SRCIN1: variants seen among roughly 807,000 people sequenced by gnomAD.
SRCIN1 encodes the protein P130Cas-associated protein.
SRCIN1 carries 50 observed loss-of-function variants against 116.2 expected under a neutral mutation model. The ratio of observed to expected loss-of-function variants is 0.43; its 90% confidence interval spans 0.34 to 0.54. The LOEUF (loss-of-function observed/expected upper bound fraction) is 0.54. Ranked by LOEUF, SRCIN1 falls within the 20% of genes least tolerant of loss-of-function variation. The probability of loss-of-function intolerance (pLI) is 0.02; values close to 1 mark genes in which losing one functional copy is unlikely to be tolerated. For missense variants in SRCIN1, 1,446 were observed against 1,672.0 expected, an observed-to-expected ratio of 0.86 and a Z score of 2.36; for synonymous variants, 736 against 750.0, an observed-to-expected ratio of 0.98 and a Z score of 0.30.
chr17:38,559,256 G>A (rs2143161369), intron 10 of SRCIN1: 1 of 464,852 alleles, frequency 2.2e-6, no homozygotes, highest in Non-Finnish European at 3.8e-6. Flanking sequence ...GAACTGCCCC[G>A]AGGGATACTG....
chr17:38,578,509 T>G lies in SRCIN1; in HGVS notation c.305A>C (p.Gln102Pro). ...ACTCACCTGCTCTCGCATCCTGTCC[T>G]GCTGGCCTCGCAGGGCCAGGGCGTG... ...PQHALALRGQ[Q>P]DRMREQPNYW... The change falls in exon 2 of 19, where the codon CAG becomes CCG. Residue 102 changes from glutamine (Q) to proline (P), a missense_variant. Coordinates refer to ENST00000617146, the MANE Select transcript of SRCIN1 (RefSeq NM_025248.3). 1 of 1,592,394 alleles carries G rather than the reference T, an allele frequency of 6.3e-7. No individual in the cohort carries two copies. Among genetic ancestry groups the G allele is most frequent in the South Asian group, 1.1e-5 (1 of 90,500 alleles).
rs759907718 is a variant in SRCIN1 at position 38,578,640 on chromosome 17, C to T, written c.174G>A (p.Thr58=). ...GLVHTSERRH[T]VIAAQSLEAL... is the part of the protein sequence containing the mutation. ...CCTCCAGACTCTGGGCCGCGATCAC[C>T]GTGTGCCGCCGCTCGGACGTGTGCA... Residue 58 remains threonine (T), a synonymous_variant, in exon 2 of 19, where the codon ACG becomes ACA. Transcript: ENST00000617146. 1.3e-6 allele frequency: 2 copies of T among 1,597,602 alleles called. No homozygotes were observed. The highest frequency in any genetic ancestry group is 1.7e-5 in the Admixed American group (1 of 58,074).
chr17:38,552,042 GC>G lies in SRCIN1; in HGVS notation c.2570del (p.Ser857ThrfsTer13). On this transcript the variant is annotated frameshift_variant, in exon 14 of 19. Coordinates refer to ENST00000617146, the MANE Select transcript of SRCIN1 (RefSeq NM_025248.3). LOFTEE classifies it high-confidence loss of function. The surrounding 1 kb of genome is among the most constrained non-coding windows in gnomAD (Gnocchi z 5.3). Reference sequence around the variant, plus strand: ...TGGGGGGTGGCATTTCGAAGTCCACGCTCTTGTTGAAGTCAGTCTCTGCCGT... The same window carrying G: ...TGGGGGGTGGCATTTCGAAGTCCACGTCTTGTTGAAGTCAGTCTCTGCCGT... Reference protein sequence around the residue: ...KVTAETDFNKSVDFEMPPPSP... With the variant: ...KVTAETDFNKXVDFEMPPPSP... The G allele has an allele frequency of 6.2e-7, 1 of 1,613,806 alleles. No individual in the cohort carries two copies. Among genetic ancestry groups the G allele is most frequent in the Non-Finnish European group, 8.5e-7 (1 of 1,179,890 alleles).
At chr17:38,590,398 G>A (rs1204032751) in intron 1 of SRCIN1, among the ~76,000 whole-genome samples, 3 of 152,192 alleles carry the variant, frequency 2.0e-5, no homozygotes, top group Non-Finnish European at 4.4e-5. Flanking sequence ...ACCACACCTG[G>A]CTAATTTTTG....
chr17:38,577,366 C>T (rs1567875383), intron 2 of SRCIN1, among the ~76,000 whole-genome samples: 2 of 152,182 alleles, frequency 1.3e-5, no homozygotes, highest in East Asian at 1.9e-4. Context: ...GCATCCTGCT[C>T]CCAGAAGGAC....
At chr17:38,588,782 C>A (rs1020672290) in intron 1 of SRCIN1, among the ~76,000 whole-genome samples, 8 of 152,180 alleles carry the variant, frequency 5.3e-5, no homozygotes. Flanking sequence ...TGCCTCCCCA[C>A]AGGGAAGCAT....
rs765964371 is a variant in SRCIN1 at position 38,560,077 on chromosome 17, T to C, written c.1814A>G (p.Asn605Ser). 12 of 1,556,016 alleles carry C rather than the reference T, an allele frequency of 7.7e-6. No individual in the cohort carries two copies. Among genetic ancestry groups the C allele is most frequent in the East Asian group, 2.4e-5 (1 of 41,504 alleles). Residue 605 changes from asparagine (N) to serine (S), a missense_variant, in exon 9 of 19, where the codon AAT becomes AGT. By Grantham distance (46) the Asn-to-Ser change is conservative (BLOSUM62 1). Around this residue, in one of 5 missense-constraint regions of SRCIN1, gnomAD observed 398 missense variants for 385.6 expected, o/e 1.03. Coordinates refer to ENST00000617146, the MANE Select transcript of SRCIN1 (RefSeq NM_025248.3). ...ACGTGCTGAGGGGGTGGCTGCTCCA[T>C]TGGAGCCTTCAATCTTCTCGCTGTG... ...ETPSEKIEGS[N>S]GAATPSAPCG...
In SRCIN1 at chr17:38,543,807, C is replaced by G. The variant is rs965434699; in HGVS notation, c.3417+16G>C. ...GCAGAGTGGGCCTGGGTGGCCCCCA[C>G]AGTCCCCGCCCTCACCTGCTGCTGG... On this transcript the variant is annotated intron_variant, in intron 18 of 18. Coordinates refer to ENST00000617146, the MANE Select transcript of SRCIN1 (RefSeq NM_025248.3). 4.4e-6 allele frequency: 7 copies of G among 1,601,602 alleles called. No individual in the cohort carries two copies. The highest frequency in any genetic ancestry group is 5.9e-6 in the Non-Finnish European group (7 of 1,178,570).
chr17:38,539,023 T>C (rs373452756), intron 18 of SRCIN1, among the ~76,000 whole-genome samples: 44 of 152,264 alleles, frequency 2.9e-4, no homozygotes, highest in African/African-American at 9.1e-4. Context: ...ATTATAGCGA[T>C]TGTCATTTTA....
At chr17:38,597,581 C>G (rs1284190847) in intron 1 of SRCIN1, among the ~76,000 whole-genome samples, 1 of 152,196 alleles carries the variant, frequency 6.6e-6, no homozygotes, top group Non-Finnish European at 1.5e-5. Context: ...TCTACAGAGA[C>G]AGAAACTGAG....
chr17:38,565,682 T>C (rs747371495), intron 3 of SRCIN1, among the ~76,000 whole-genome samples: 1 of 152,260 alleles, frequency 6.6e-6, no homozygotes, highest in Non-Finnish European at 1.5e-5. Context: ...AATGTTCCAA[T>C]TGGATTAGCA....
In SRCIN1 at chr17:38,583,742, G is replaced by A. The variant is rs530993570; in HGVS notation, c.23-4951C>T. On this transcript the variant is annotated intron_variant, in intron 1 of 18. Transcript: ENST00000617146. Reference sequence around the variant, plus strand: ...TAATTTTTGTATTTTTAGTAGAGACGGAGTTTCACCATGTTGGCCAGGCTG... The same window carrying A: ...TAATTTTTGTATTTTTAGTAGAGACAGAGTTTCACCATGTTGGCCAGGCTG... 5.0e-3 allele frequency among the ~76,000 whole-genome samples: 764 copies of A among 151,930 alleles called. 4 individuals are homozygous for A. Among genetic ancestry groups the A allele is most frequent in the Admixed American group, 9.1e-3 (139 of 15,264 alleles).
intron 2 of SRCIN1, chr17:38,574,778 T>G (rs1158685913): frequency 1.0e-5 from 4 of 396,946 alleles, no homozygotes; most frequent in African/African-American, 8.4e-5. Flanking sequence ...GGTTGCAAAA[T>G]AAAAGTCCTG....
chr17:38,552,949 G>C lies in SRCIN1; in HGVS notation c.2202-94C>G. 2 of 1,528,620 alleles carry C rather than the reference G, an allele frequency of 1.3e-6. No individual in the cohort carries two copies. Among genetic ancestry groups the C allele is most frequent in the Non-Finnish European group, 1.8e-6 (2 of 1,138,266 alleles). The allele number at this position is 1,528,620 out of a possible 1,614,324, so 94.7% of individuals were successfully genotyped here. A position where few individuals can be genotyped will look rare whatever the true frequency, so the allele number is the denominator to read the frequency against. ...CAACTGGAAAGAAATCAGGCCACCA[G>C]TTGGATCGAAAGTAAAAGCAGGAGG... On this transcript the variant is annotated intron_variant, in intron 11 of 18. Transcript: ENST00000617146. This position sits in a 1 kb window ranked among gnomAD's most constrained non-coding sequence, Gnocchi z 5.3.
Position 38,545,647 on chromosome 17 carries a change from C to T in SRCIN1, c.3271-1678G>A, listed in dbSNP as rs530331411. 3.3e-5 allele frequency among the ~76,000 whole-genome samples: 5 copies of T among 152,176 alleles called. 1 individual carries two copies. Among genetic ancestry groups the T allele is most frequent in the South Asian group, 4.1e-4 (2 of 4,830 alleles). On this transcript the variant is annotated intron_variant, in intron 17 of 18. Coordinates refer to ENST00000617146, the MANE Select transcript of SRCIN1 (RefSeq NM_025248.3). ...TTGGGACCAGAATTCAGGTCTTTCC[C>T]ACCATACCCTGTGGCCTCCTACTTG...
In SRCIN1 at chr17:38,560,325, G is replaced by A; in HGVS notation, c.1793+8C>T. ...GCCCTGGCAGTGGTGTTGGGAGAGG[G>A]GCCTCACCTGGGGGTCTCAGGCTCA... On this transcript the variant is annotated splice_region_variant and intron_variant, in intron 8 of 18. Transcript: ENST00000617146. 4 of 1,604,302 alleles carry A rather than the reference G, an allele frequency of 2.5e-6. No homozygotes were observed. Among genetic ancestry groups the A allele is most frequent in the Non-Finnish European group, 3.4e-6 (4 of 1,175,378 alleles).
In SRCIN1 at chr17:38,535,243, T is replaced by C. The variant is rs1597874987; in HGVS notation, c.3418-1812A>G. Among the ~76,000 whole-genome samples, 4 of 150,050 alleles carry C rather than the reference T, an allele frequency of 2.7e-5. No individual in the cohort carries two copies. The South Asian group carries it at 8.5e-4, about 32-fold the overall frequency. On this transcript the variant is annotated intron_variant, in intron 18 of 18. Transcript: ENST00000617146. Reference sequence around the variant, plus strand: ...TTTTTTTTGAGATGGACTTTTGCTCTTGTTGTCCAGGCTGGAGTACAATGG... The same window carrying C: ...TTTTTTTTGAGATGGACTTTTGCTCCTGTTGTCCAGGCTGGAGTACAATGG...
Position 38,552,361 on chromosome 17 carries a change from G to T in SRCIN1, c.2480+86C>A. The T allele has an allele frequency of 6.7e-7, 1 of 1,496,728 alleles. No homozygotes were observed. The highest frequency in any genetic ancestry group is 2.4e-5 in the East Asian group (1 of 41,022). 92.7% of individuals were successfully genotyped at this position (1,496,728 alleles called of 1,614,324 possible). ...GTCGGCACGCCAGTGACCTTTGGGG[G>T]AGTTGGGGTAAGGGTTCAGTATGAC... On this transcript the variant is annotated intron_variant, in intron 13 of 18. Coordinates refer to ENST00000617146, the MANE Select transcript of SRCIN1 (RefSeq NM_025248.3). This position sits in a 1 kb window ranked among gnomAD's most constrained non-coding sequence, Gnocchi z 5.3.
At chr17:38,587,794 T>A (rs1908200032) in intron 1 of SRCIN1, among the ~76,000 whole-genome samples, 1 of 152,052 alleles carries the variant, frequency 6.6e-6, no homozygotes, top group African/African-American at 2.4e-5. Context: ...CCCAGGGGGA[T>A]GCTCACCACA....
Sources: allele counts gnomAD v4.1 joint callset (sites outside exome capture counted in the v4.1 genomes callset), GRCh38; gene constraint gnomAD v4.1.1; regional missense constraint gnomAD v4.1.1; non-coding constraint Gnocchi (gnomAD v3.1); transcripts MANE v1.5; gene names NCBI Gene and HGNC (gene_info 2026-07-23, HGNC 2026-07-21).